Variants in POU6F2 observed in about 807,000 individuals in gnomAD.
POU6F2 encodes the protein POU domain, class 6, transcription factor 2.
POU6F2 carries 31 observed loss-of-function variants against 71.3 expected under a neutral mutation model. The observed-to-expected ratio is 0.43, with a 90% CI of 0.33 to 0.59. The LOEUF (loss-of-function observed/expected upper bound fraction) is 0.59, where lower values mean the gene tolerates loss of function less well. Among genes scored for constraint, POU6F2 ranks in the 20% least tolerant of loss-of-function variants. The probability of loss-of-function intolerance (pLI) is 0.04; values close to 1 mark genes in which losing one functional copy is unlikely to be tolerated. For missense variants in POU6F2, 783 were observed against 856.8 expected (o/e 0.91, Z 1.07); for synonymous variants, 347 against 355.7 (o/e 0.98, Z 0.27).
chr7:39,051,863 T>A (rs1323644620), intron 1 of POU6F2, among the ~76,000 whole-genome samples: 1 of 152,118 alleles, frequency 6.6e-6, no homozygotes, highest in Non-Finnish European at 1.5e-5. Context: ...TAGAATCCAT[T>A]TATTCTCTGC....
At chr7:39,034,519 T>C in intron 1 of POU6F2, 1 of 422,056 alleles carries the variant, frequency 2.4e-6, no homozygotes, top group Non-Finnish European at 4.9e-6. Flanking sequence ...CTTGATATAA[T>C]AATGCACATA....
intron 4 of POU6F2, among the ~76,000 whole-genome samples, chr7:39,279,288 G>A (rs1784517128): frequency 8.8e-6 from 1 of 113,422 alleles, no homozygotes; most frequent in African/African-American, 2.7e-5. Context: ...GGTGCCACCT[G>A]CCGACCTTCC....
intron 4 of POU6F2, among the ~76,000 whole-genome samples, chr7:39,228,823 TTAA>T (rs1190378466): frequency 6.6e-6 from 1 of 152,210 alleles, no homozygotes; most frequent in East Asian, 1.9e-4. Flanking sequence ...AATAATTACC[TTAA>T]TTAATAGCTG....
intron 2 of POU6F2, among the ~76,000 whole-genome samples, chr7:39,150,876 ATGATAT>A (rs1210659702): frequency 3.3e-5 from 5 of 151,908 alleles, no homozygotes; most frequent in African/African-American, 1.2e-4. Context: ...TGGGTATGAG[ATGATAT>A]CTCATAGTGG....
chr7:39,176,988 A>G (rs898983029), intron 2 of POU6F2, among the ~76,000 whole-genome samples: 1 of 152,204 alleles, frequency 6.6e-6, no homozygotes, highest in Non-Finnish European at 1.5e-5. Context: ...GCATCTCATG[A>G]CTTACTCTTC....
intron 2 of POU6F2, among the ~76,000 whole-genome samples, chr7:39,197,758 C>T (rs565953582): frequency 1.3e-5 from 2 of 152,318 alleles, no homozygotes; most frequent in South Asian, 4.1e-4. Flanking sequence ...AAATCTGTGT[C>T]TGACTTCGTT....
chr7:39,164,751 G>C (rs1311329752), intron 2 of POU6F2, among the ~76,000 whole-genome samples: 1 of 151,978 alleles, frequency 6.6e-6, no homozygotes, highest in Non-Finnish European at 1.5e-5. Flanking sequence ...AGATGAGAAG[G>C]AGAAGCTAAA....
At chr7:39,144,532 T>C (rs145787327) in intron 2 of POU6F2, among the ~76,000 whole-genome samples, 2 of 152,300 alleles carry the variant, frequency 1.3e-5, no homozygotes, top group African/African-American at 2.4e-5. Context: ...TATAAGTAAA[T>C]AACTAGATTA....
intron 5 of POU6F2, among the ~76,000 whole-genome samples, chr7:39,395,851 T>G (rs1486536174): frequency 6.6e-6 from 1 of 152,184 alleles, no homozygotes; most frequent in African/African-American, 2.4e-5. Flanking sequence ...TAACACCCAC[T>G]GCTATACTGT....
At chr7:39,321,510 G>T (rs556246664) in intron 4 of POU6F2, among the ~76,000 whole-genome samples, 1 of 152,348 alleles carries the variant, frequency 6.6e-6, no homozygotes, top group African/African-American at 2.4e-5. Context: ...TTAGAGCAGA[G>T]TCGTGAAGGG....
chr7:39,161,837 A>C (rs898307847), intron 2 of POU6F2, among the ~76,000 whole-genome samples: 2 of 152,128 alleles, frequency 1.3e-5, no homozygotes, highest in Non-Finnish European at 2.9e-5. Flanking sequence ...GTTTAAGTAC[A>C]TTTTGCCATG....
intron 4 of POU6F2, among the ~76,000 whole-genome samples, chr7:39,230,266 G>A (rs1794550583): frequency 6.6e-6 from 1 of 152,030 alleles, no homozygotes; most frequent in Non-Finnish European, 1.5e-5. Context: ...GATTCCTCGA[G>A]GCCAGAGTCC....
chr7:39,418,153 A>G (rs1787725765), intron 6 of POU6F2, among the ~76,000 whole-genome samples: 1 of 152,226 alleles, frequency 6.6e-6, no homozygotes, highest in South Asian at 2.1e-4. Context: ...TAATCACTGT[A>G]CTGTAATAAT....
chr7:39,246,183 T>G (rs1193900865), intron 4 of POU6F2, among the ~76,000 whole-genome samples: 1 of 152,214 alleles, frequency 6.6e-6, no homozygotes, highest in Non-Finnish European at 1.5e-5. Context: ...AAATCATGTT[T>G]GACTTCCACA....
intron 8 of POU6F2, among the ~76,000 whole-genome samples, chr7:39,454,655 GATAT>G (rs70977474): frequency 7.9e-5 from 5 of 63,332 alleles, no homozygotes; most frequent in South Asian, 6.6e-4. Flanking sequence ...GAAGACCAGG[GATAT>G]ATATATATAT....
chr7:39,008,225 G>A (rs1254817324), intron 1 of POU6F2, among the ~76,000 whole-genome samples: 1 of 150,926 alleles, frequency 6.6e-6, no homozygotes, highest in African/African-American at 2.4e-5. Flanking sequence ...CATTCTAACT[G>A]GCGTGAGATG....
intron 5 of POU6F2, 88 bp from the exon 6 acceptor site, chr7:39,406,512 G>A (rs577609665): frequency 6.7e-6 from 10 of 1,493,656 alleles, no homozygotes; most frequent in African/African-American, 1.4e-5. Flanking sequence ...ATTGAGGCGA[G>A]AACTACCTCC....
chr7:39,201,780 A>G (rs1023997902), intron 2 of POU6F2, among the ~76,000 whole-genome samples: 3 of 152,210 alleles, frequency 2.0e-5, no homozygotes, highest in Non-Finnish European at 4.4e-5. Flanking sequence ...TGTTGCTTCA[A>G]ATCTCTCTGA....
chr7:39,047,919 A>C (rs1790322815), intron 1 of POU6F2, among the ~76,000 whole-genome samples: 2 of 151,904 alleles, frequency 1.3e-5, no homozygotes, highest in South Asian at 4.1e-4. Context: ...TTGGTTTGCT[A>C]ATTTTTTAAA....
Sources: allele counts gnomAD v4.1 joint callset (sites outside exome capture counted in the v4.1 genomes callset), GRCh38; gene constraint gnomAD v4.1.1; transcripts MANE v1.5; gene names NCBI Gene and HGNC (gene_info 2026-07-23, HGNC 2026-07-21).